CUX1: variants seen among roughly 807,000 people sequenced by gnomAD.
The protein encoded by CUX1 is protein CASP.
A neutral mutation model predicts 158.8 loss-of-function variants in CUX1; 31 were observed. The observed-to-expected ratio is 0.20, with a 90% confidence interval of 0.15 to 0.26. The LOEUF (loss-of-function observed/expected upper bound fraction) is 0.26. Ranked by LOEUF, CUX1 falls within the 10% of genes least tolerant of loss-of-function variation. The pLI, the probability that CUX1 is intolerant of heterozygous loss-of-function variation, is 1.00. For missense variants in CUX1, 1,589 were observed against 2,014.6 expected, an observed-to-expected ratio of 0.79 and a Z score of 4.04; for synonymous variants, 879 against 862.1, an observed-to-expected ratio of 1.02 and a Z score of -0.34.
At chr7:101,973,770 C>CTTTTTTTTTTTTTTT (rs546846196) in intron 2 of CUX1, among the ~76,000 whole-genome samples, 1 of 137,376 alleles carries the variant, frequency 7.3e-6, no homozygotes. Flanking sequence ...TTTTCTTTTT[C>CTTTTTTTTTTTTTTT]TTTTTTTTTT....
At chr7:102,219,583 CAT>C in intron 20 of CUX1, among the ~76,000 whole-genome samples, 1 of 152,324 alleles carries the variant, frequency 6.6e-6, no homozygotes, top group East Asian at 1.9e-4. Context: ...TGGCGTCAGG[CAT>C]AGCTGCTCAC....
At position 102,201,600 on chromosome 7, in the gene CUX1, C is replaced by T. The variant is rs782762046; in HGVS notation, c.2303C>T (p.Ser768Phe). The change falls in exon 18 of 24, where the codon TCC becomes TTC. Residue 768 changes from serine (S) to phenylalanine (F), a missense_variant. Coordinates refer to ENST00000292535, the MANE Select transcript of CUX1 (RefSeq NM_181552.4). This position sits in a 1 kb window ranked among gnomAD's most constrained non-coding sequence, Gnocchi z 5.0. ...CTCGCCATCTCCCTGAAGAAGCCCT[C>T]CGCAGCTCCTGAGGCCGGTGCCTCT... ...PPLAISLKKP[S>F]AAPEAGASAL... The T allele has an allele frequency of 2.3e-5, 37 of 1,614,100 alleles. No individual in the cohort carries two copies. The highest frequency in any genetic ancestry group is 3.1e-5 in the Non-Finnish European group (37 of 1,180,010).
intron 8 of CUX1, among the ~76,000 whole-genome samples, chr7:102,136,621 C>T (rs1412146902): frequency 9.8e-5 from 15 of 152,300 alleles, no homozygotes; most frequent in African/African-American, 2.6e-4. Context: ...AAACTCCTGA[C>T]GTCATGATCC....
intron 10 of CUX1, 90 bp from the exon 11 acceptor site, chr7:102,178,379 T>C: frequency 7.9e-7 from 1 of 1,261,718 alleles, no homozygotes; most frequent in Admixed American, 2.3e-5. Context: ...CTGACATCTG[T>C]GCAGCTTCTG....
intron 3 of CUX1, among the ~76,000 whole-genome samples, chr7:102,038,262 C>T (rs936385934): frequency 9.2e-5 from 14 of 152,106 alleles, no homozygotes; most frequent in African/African-American, 2.9e-4. Flanking sequence ...TGCATCCCAC[C>T]GTTGTATGTG....
chr7:102,074,857 C>G (rs1826527292), intron 4 of CUX1, among the ~76,000 whole-genome samples: 1 of 152,152 alleles, frequency 6.6e-6, no homozygotes, highest in African/African-American at 2.4e-5. Flanking sequence ...TGCTCATGTT[C>G]TGAGCTTTTT....
chr7:102,161,520 A>G (rs1430604365), intron 9 of CUX1, among the ~76,000 whole-genome samples: 1 of 152,248 alleles, frequency 6.6e-6, no homozygotes, highest in Non-Finnish European at 1.5e-5. Flanking sequence ...GGCTACATTA[A>G]TAGAAATACA....
intron 1 of CUX1, among the ~76,000 whole-genome samples, chr7:101,825,014 A>G (rs1793097382): frequency 1.3e-5 from 2 of 152,292 alleles, no homozygotes; most frequent in Admixed American, 6.5e-5. Flanking sequence ...ACTTGAACCC[A>G]TGCAGTCCTG....
At chr7:102,271,157 C>T (rs923520618) in intron 14 of CUX1, among the ~76,000 whole-genome samples, 4 of 152,308 alleles carry the variant, frequency 2.6e-5, no homozygotes, top group Admixed American at 1.3e-4. Flanking sequence ...GTCACCTCTG[C>T]AAAGGTTCTC....
chr7:101,924,734 T>TTTTTTTA (rs113469287), intron 2 of CUX1, among the ~76,000 whole-genome samples: 9 of 150,318 alleles, frequency 6.0e-5, no homozygotes, highest in Admixed American at 2.0e-4. Context: ...CCTGGTTATT[T>TTTTTTTA]TTTTTTATTT....
chr7:102,230,068 C>T lies in CUX1; in HGVS notation c.3433+2399C>T, dbSNP rs558603452. 2.0e-5 allele frequency among the ~76,000 whole-genome samples: 3 copies of T among 152,314 alleles called. No homozygotes were observed. In the East Asian group the frequency reaches 5.8e-4, roughly 29 times the overall value. Reference sequence around the variant, plus strand: ...GAAAGTCAGTTAAAGGGGCAGTGTTCTCTGCAGAGCATGTAAGCACAACCC... The same window carrying T: ...GAAAGTCAGTTAAAGGGGCAGTGTTTTCTGCAGAGCATGTAAGCACAACCC... On this transcript the variant is annotated intron_variant, in intron 21 of 23. Transcript: ENST00000292535.
intron 2 of CUX1, among the ~76,000 whole-genome samples, chr7:101,991,758 C>CAAA (rs34948858): frequency 8.6e-6 from 1 of 115,932 alleles, no homozygotes; most frequent in African/African-American, 3.3e-5. Flanking sequence ...GACTTCATCT[C>CAAA]AAAAAAAAAA....
chr7:101,857,918 T>G (rs901138397), intron 1 of CUX1, among the ~76,000 whole-genome samples: 2 of 151,210 alleles, frequency 1.3e-5, no homozygotes, highest in East Asian at 1.9e-4. Context: ...AGGTCAGGAG[T>G]TCAAGACCAG....
chr7:102,249,048 C>A lies in CUX1; in HGVS notation c.*6C>A. 1 of 1,299,802 alleles carries A rather than the reference C, an allele frequency of 7.7e-7. No homozygotes were observed. The highest frequency in any genetic ancestry group is 2.1e-5 in the South Asian group (1 of 48,544). 80.5% of individuals were successfully genotyped at this position (1,299,802 alleles called of 1,614,324 possible). On this transcript the variant is annotated 3_prime_UTR_variant, in exon 24 of 24. Coordinates refer to ENST00000292535, the MANE Select transcript of CUX1 (RefSeq NM_181552.4). ...CTATCGAATGGGAGTTCTGAGGGGC[C>A]GCGGCCCTGGGGCGGGCAGCCAGGC...
chr7:101,894,723 G>A (rs561768818), intron 1 of CUX1, among the ~76,000 whole-genome samples: 2 of 152,334 alleles, frequency 1.3e-5, no homozygotes, highest in African/African-American at 2.4e-5. Context: ...TTCAATTCTG[G>A]TCTTAAATAA....
At chr7:101,907,101 A>C (rs1260344704) in intron 1 of CUX1, among the ~76,000 whole-genome samples, 1 of 152,232 alleles carries the variant, frequency 6.6e-6, no homozygotes, top group African/African-American at 2.4e-5. Context: ...GTGTCTGAGA[A>C]CATTTGGGAA....
intron 1 of CUX1, among the ~76,000 whole-genome samples, chr7:101,904,093 C>T (rs911514270): frequency 6.7e-6 from 1 of 150,292 alleles, no homozygotes; most frequent in South Asian, 2.1e-4. Context: ...TCAGGAGTAA[C>T]ATGGCAAAAC....
chr7:101,842,235 A>G (rs1417923997), intron 1 of CUX1, among the ~76,000 whole-genome samples: 3 of 152,154 alleles, frequency 2.0e-5, no homozygotes, highest in Non-Finnish European at 2.9e-5. Flanking sequence ...TGAATTTTCC[A>G]TATGTGCTCA....
Position 101,916,115 on chromosome 7 carries a change from A to G in CUX1, c.31A>G (p.Arg11Gly), listed in dbSNP as rs1177297232. 6.2e-7 allele frequency: 1 copy of G among 1,608,726 alleles called. No individual in the cohort carries two copies. The highest frequency in any genetic ancestry group is 1.3e-5 in the African/African-American group (1 of 74,772). Residue 11 changes from arginine (R) to glycine (G), a missense_variant and splice_region_variant, in exon 2 of 24, where the codon AGA (arginine) becomes GGA (glycine). By Grantham distance (125) the Arg-to-Gly change is moderately radical. This residue lies in a region of CUX1 where 63 missense variants were observed against 109.2 expected (regional missense o/e 0.58). Coordinates refer to ENST00000292535, the MANE Select transcript of CUX1 (RefSeq NM_181552.4). This position sits in a 1 kb window ranked among gnomAD's most constrained non-coding sequence, Gnocchi z 4.4. ...TTTTCCTTTCCTGTTTCCCCAACAG[A>G]GAGAACTCGATGCCACCGCAACGGT... is the stretch of plus-strand genomic sequence containing the variant. MLCVAGARLK[R>G]ELDATATVLA...
Sources: gnomAD v4.1 joint callset for allele counts (sites outside exome capture counted in the v4.1 genomes callset) on GRCh38, gnomAD v4.1.1 for gene constraint, gnomAD v4.1.1 regional missense constraint, Gnocchi (gnomAD v3.1) non-coding constraint, MANE v1.5 for transcripts, NCBI Gene and HGNC (gene_info 2026-07-23, HGNC 2026-07-21) for gene names.